The following KRTDAP variants were observed in gnomAD, a reference collection of about 807,000 sequenced individuals.
KRTDAP encodes keratinocyte differentiation associated protein.
KRTDAP carries 14 observed loss-of-function variants against 18.6 expected under a neutral mutation model. The observed-to-expected ratio is 0.75, with a 90% CI of 0.50 to 1.18. The LOEUF (loss-of-function observed/expected upper bound fraction) is 1.18, where lower values mean the gene tolerates loss of function less well. Among genes scored for constraint, KRTDAP ranks in the 50% most tolerant of loss-of-function variants. The probability of loss-of-function intolerance (pLI) is 0.00; values close to 1 mark genes in which losing one functional copy is unlikely to be tolerated. For missense variants in KRTDAP, 114 were observed against 121.3 expected, an observed-to-expected ratio of 0.94 and a Z score of 0.28; for synonymous variants, 53 against 49.5, an observed-to-expected ratio of 1.07 and a Z score of -0.29.
Position 35,490,405 on chromosome 19 carries a change from G to A in KRTDAP, c.38C>T (p.Ser13Phe). 1 of 1,613,874 alleles carries A rather than the reference G, an allele frequency of 6.2e-7. No homozygotes were observed. The highest frequency in any genetic ancestry group is 2.2e-5 in the East Asian group (1 of 44,876). The change falls in exon 1 of 6, where the codon TCC (serine) becomes TTC (phenylalanine). Residue 13 changes from serine (S) to phenylalanine (F), a missense_variant. By Grantham distance (155) the Ser-to-Phe change is radical. Transcript: ENST00000338897. ...IPVLPAVVLL[S>F]LLVLHSAQGA... ...CTGGGCAGAGTGGAGCACCAGGAGG[G>A]AGAGGAGCACCACGGCAGGAAGGAC... is the stretch of plus-strand genomic sequence containing the variant.
At chr19:35,489,060 T>C (rs1321821653) in intron 1 of KRTDAP, among the ~76,000 whole-genome samples, 1 of 152,310 alleles carries the variant, frequency 6.6e-6, no homozygotes, top group South Asian at 2.1e-4. Context: ...AGTGTCACCA[T>C]GGGCAGCAGG....
chr19:35,488,022 C>T (rs1369775930), intron 4 of KRTDAP, among the ~76,000 whole-genome samples: 1 of 152,118 alleles, frequency 6.6e-6, no homozygotes, highest in Non-Finnish European at 1.5e-5. Flanking sequence ...ACAGAGGAAG[C>T]GGAGGCCGAG....
In KRTDAP at chr19:35,487,333, G is replaced by T. The variant is rs938561125; in HGVS notation, c.*95C>A. Reference sequence around the variant, plus strand: ...ACGCAGATACAGGAGCTGTTGGATGGAAAATGTTTTATTGGAGTTCCTGAG... The same window carrying T: ...ACGCAGATACAGGAGCTGTTGGATGTAAAATGTTTTATTGGAGTTCCTGAG... On this transcript the variant is annotated 3_prime_UTR_variant, in exon 6 of 6. Transcript: ENST00000338897. 2 of 1,203,298 alleles carry T rather than the reference G, an allele frequency of 1.7e-6. No individual in the cohort carries two copies. Among genetic ancestry groups the T allele is most frequent in the African/African-American group, 1.5e-5 (1 of 67,408 alleles). 74.5% of individuals were successfully genotyped at this position (1,203,298 alleles called of 1,614,324 possible).
intron 1 of KRTDAP, 59 bp downstream of exon 1, chr19:35,490,297 G>A (rs1209338402): frequency 7.5e-6 from 8 of 1,069,140 alleles, no homozygotes; most frequent in Non-Finnish European, 1.1e-5. Context: ...AGGAGGTAGA[G>A]AGATGGAGGG....
In KRTDAP at chr19:35,490,444, G is replaced by T; in HGVS notation, c.-2C>A. 1 of 1,610,938 alleles carries T rather than the reference G, an allele frequency of 6.2e-7. No homozygotes were observed. Among genetic ancestry groups the T allele is most frequent in the Non-Finnish European group, 8.5e-7 (1 of 1,177,716 alleles). ...GGCAGGAAGGACCGGGATCTTCATG[G>T]CGTCAAGTTTGGGGTGCTCTGAGGC... On this transcript the variant is annotated 5_prime_UTR_variant, in exon 1 of 6. Transcript: ENST00000338897.
chr19:35,488,697 T>TAA lies in KRTDAP; in HGVS notation c.131_132dup (p.Asn45LeufsTer6). On this transcript the variant is annotated frameshift_variant, in exon 3 of 6. Transcript: ENST00000338897. LOFTEE classifies it high-confidence loss of function. Reference sequence around the variant, plus strand: ...TTGTCGATGTTCAGGAACGGGGTGTTAAAGGCCTAGGCAGAAACGCAGGGT... The same window carrying TAA: ...TTGTCGATGTTCAGGAACGGGGTGTTAAAAAGGCCTAGGCAGAAACGCAGGGT... 6.2e-7 allele frequency: 1 copy of TAA among 1,613,462 alleles called. No individual in the cohort carries two copies. Among genetic ancestry groups the TAA allele is most frequent in the Non-Finnish European group, 8.5e-7 (1 of 1,179,504 alleles).
rs748009780 is a variant in KRTDAP at position 35,488,809 on chromosome 19, C to G, written c.119G>C (p.Arg40Pro). The G allele has an allele frequency of 1.2e-6, 2 of 1,614,064 alleles. No homozygotes were observed. The highest frequency in any genetic ancestry group is 1.7e-6 in the Non-Finnish European group (2 of 1,180,010). ...GGAAAACAGACGGCTTACCTCGGGTCGTGACGCATAATTCTCAATGGTGCT... is the reference window on the plus strand; with the variant it reads ...GGAAAACAGACGGCTTACCTCGGGTGGTGACGCATAATTCTCAATGGTGCT... ...EESTIENYAS[R>P]PEAFNTPFLN... Residue 40 changes from arginine to proline, a missense_variant, in exon 2 of 6, where the codon CGA becomes CCA. Physicochemically the swap from Arg to Pro is moderately radical, Grantham distance 103. Coordinates refer to ENST00000338897, the MANE Select transcript of KRTDAP (RefSeq NM_207392.3).
rs144413316 is a variant in KRTDAP at position 35,487,563 on chromosome 19, C to T, written c.262-97G>A. On this transcript the variant is annotated intron_variant, in intron 5 of 5. Transcript: ENST00000338897. ...GAATTTCTGCCTCGGTGTGAGTTCC[C>T]GTTCTCCTCTATATGTAGTAGCTAA... 80 of 1,232,170 alleles carry T rather than the reference C, an allele frequency of 6.5e-5. 2 individuals are homozygous for T. In the East Asian group the frequency reaches 1.2e-3, roughly 18 times the overall value. The allele number at this position is 1,232,170 out of a possible 1,614,324, so 76.3% of individuals were successfully genotyped here. A position where few individuals can be genotyped will look rare whatever the true frequency, so the allele number is the denominator to read the frequency against.
intron 1 of KRTDAP, among the ~76,000 whole-genome samples, chr19:35,490,000 C>G (rs1408819656): frequency 1.3e-5 from 2 of 152,150 alleles, no homozygotes; most frequent in African/African-American, 2.4e-5. Flanking sequence ...CTCCAGTTCC[C>G]CCTCTTCCCC....
intron 4 of KRTDAP, 63 bp from the exon 5 acceptor site, chr19:35,487,822 C>T: frequency 1.9e-6 from 2 of 1,041,028 alleles, no homozygotes; most frequent in South Asian, 2.6e-5. Context: ...GATGGGTAAG[C>T]ATTCCCTTAA....
chr19:35,488,304 G>T, intron 4 of KRTDAP, 137 bp downstream of exon 4: 1 of 869,248 alleles, frequency 1.2e-6, no homozygotes, highest in African/African-American at 1.7e-5. Context: ...ACAGCCCATT[G>T]GGCAGCATCC....
In KRTDAP at chr19:35,487,709, T is replaced by C; in HGVS notation, c.261+3A>G. The C allele has an allele frequency of 1.9e-6, 3 of 1,611,350 alleles. No individual in the cohort carries two copies. The highest frequency in any genetic ancestry group is 1.7e-5 in the Admixed American group (1 of 59,998). On this transcript the variant is annotated splice_donor_region_variant and intron_variant, in intron 5 of 5. Transcript: ENST00000338897. Reference sequence around the variant, plus strand: ...ATACCCTCCTAATGCCCACACCTCTTACCTTAGGAAAGGCATCCCAGTTGA... The same window carrying C: ...ATACCCTCCTAATGCCCACACCTCTCACCTTAGGAAAGGCATCCCAGTTGA...
intron 4 of KRTDAP, among the ~76,000 whole-genome samples, chr19:35,488,190 C>T (rs977097883): frequency 6.6e-6 from 1 of 152,186 alleles, no homozygotes; most frequent in African/African-American, 2.4e-5. Flanking sequence ...GACCGATTAG[C>T]CTCTTCCTCT....
At chr19:35,489,456 T>C (rs1353095286) in intron 1 of KRTDAP, among the ~76,000 whole-genome samples, 1 of 152,188 alleles carries the variant, frequency 6.6e-6, no homozygotes, top group Admixed American at 6.5e-5. Flanking sequence ...GAATTAGACA[T>C]TTTGAATTAG....
At chr19:35,488,128 C>T (rs755721167) in intron 4 of KRTDAP, among the ~76,000 whole-genome samples, 18 of 152,158 alleles carry the variant, frequency 1.2e-4, no homozygotes, top group Admixed American at 6.6e-4. Context: ...CTTCTAAGTG[C>T]GGGTGGGCCT....
At position 35,488,644 on chromosome 19, in the gene KRTDAP, C is replaced by T; in HGVS notation, c.168+18G>A. The T allele has an allele frequency of 1.2e-6, 2 of 1,614,034 alleles. No individual in the cohort carries two copies. Among genetic ancestry groups the T allele is most frequent in the South Asian group, 1.1e-5 (1 of 91,070 alleles). On this transcript the variant is annotated intron_variant, in intron 3 of 5. Coordinates refer to ENST00000338897, the MANE Select transcript of KRTDAP (RefSeq NM_207392.3). ...GATGAGGGTATTCGTGGGGGTAGCACCAGAGAAGCGTACTCACAGATCGCA... is the reference window on the plus strand; with the variant it reads ...GATGAGGGTATTCGTGGGGGTAGCATCAGAGAAGCGTACTCACAGATCGCA...
At chr19:35,490,295 G>T in intron 1 of KRTDAP, 61 bp downstream of exon 1, 1 of 1,046,806 alleles carries the variant, frequency 9.6e-7, no homozygotes, top group Non-Finnish European at 1.4e-6. Context: ...ACAGGAGGTA[G>T]AGAGATGGAG....
At chr19:35,489,171 G>T (rs1338886987) in intron 1 of KRTDAP, among the ~76,000 whole-genome samples, 3 of 152,180 alleles carry the variant, frequency 2.0e-5, no homozygotes, top group Admixed American at 2.0e-4. Context: ...AGACACCCAC[G>T]CTCAGTCCGT....
At chr19:35,488,183 C>CA (rs1270894616) in intron 4 of KRTDAP, among the ~76,000 whole-genome samples, 1 of 152,132 alleles carries the variant, frequency 6.6e-6, no homozygotes, top group African/African-American at 2.4e-5. Context: ...AAATCTTGAC[C>CA]GATTAGCCTC....
Sources: gnomAD v4.1 joint callset for allele counts (sites outside exome capture counted in the v4.1 genomes callset) on GRCh38, gnomAD v4.1.1 for gene constraint, MANE v1.5 for transcripts, NCBI Gene and HGNC (gene_info 2026-07-23, HGNC 2026-07-21) for gene names.